Variants in QKI observed in about 807,000 individuals in gnomAD.
The protein encoded by QKI is KH domain-containing RNA-binding protein QKI.
Under a neutral mutation model 39.0 loss-of-function variants are expected in QKI, and 10 were observed. The ratio of observed to expected loss-of-function variants is 0.26; its 90% confidence interval spans 0.16 to 0.43. The LOEUF (loss-of-function observed/expected upper bound fraction) is 0.43, where lower values mean the gene tolerates loss of function less well. Ranked by LOEUF, QKI falls within the 20% of genes least tolerant of loss-of-function variation. The probability of loss-of-function intolerance (pLI) is 1.00; values close to 1 mark genes in which losing one functional copy is unlikely to be tolerated. For synonymous variants in QKI, 204 were observed against 155.4 expected (o/e 1.31, Z -2.33); for missense variants, 218 against 428.0 (o/e 0.51, Z 4.33).
chr6:163,561,852 C>T (rs899792550), intron 4 of QKI, 130 bp from the exon 5 acceptor site: 53 of 595,490 alleles, frequency 8.9e-5, no homozygotes, highest in Non-Finnish European at 1.3e-4. Flanking sequence ...GGTTCTTGAT[C>T]TTTTTTTCCC....
At chr6:163,486,075 A>G (rs1777653331) in intron 3 of QKI, among the ~76,000 whole-genome samples, 1 of 152,196 alleles carries the variant, frequency 6.6e-6, no homozygotes, top group Non-Finnish European at 1.5e-5. Context: ...AGCCACTTTT[A>G]CTATCTGTGC....
intron 7 of QKI, chr6:163,567,829 C>T: frequency 1.5e-5 from 15 of 985,004 alleles, no homozygotes; most frequent in Non-Finnish European, 1.7e-5. Flanking sequence ...TGGATTTGTA[C>T]TTCAATTGTA....
intron 3 of QKI, among the ~76,000 whole-genome samples, chr6:163,521,079 T>C (rs879852341): frequency 5.3e-5 from 8 of 152,138 alleles, no homozygotes; most frequent in East Asian, 1.9e-4. Context: ...GTTAATACTT[T>C]GGAATTTAAG....
At chr6:163,512,451 G>T (rs1490395473) in intron 3 of QKI, among the ~76,000 whole-genome samples, 2 of 152,020 alleles carry the variant, frequency 1.3e-5, no homozygotes, top group Non-Finnish European at 2.9e-5. Flanking sequence ...AGCAAGAAGA[G>T]ATCATGATCC....
intron 1 of QKI, chr6:163,416,180 C>A: frequency 5.9e-6 from 2 of 340,352 alleles, no homozygotes; most frequent in Non-Finnish European, 1.2e-5. Flanking sequence ...GACAGGGTTT[C>A]GAGACGTTTG....
intron 1 of QKI, among the ~76,000 whole-genome samples, chr6:163,447,249 A>AT (rs4038332): frequency 0.071 from 8,548 of 120,080 alleles, 477 homozygotes; most frequent in African/African-American, 0.12. Context: ...GGTGCACGTG[A>AT]TTTTTTTTTT....
chr6:163,437,512 A>G lies in QKI; in HGVS notation c.143-17767A>G, dbSNP rs1789407126. Reference sequence around the variant, plus strand: ...TTAAATCCACACCCGAAATGTAGCCATAATTTAGTTCAAGATTGTTTATGC... The same window carrying G: ...TTAAATCCACACCCGAAATGTAGCCGTAATTTAGTTCAAGATTGTTTATGC... On this transcript the variant is annotated intron_variant, in intron 1 of 7. Transcript: ENST00000361752. 2.0e-5 allele frequency among the ~76,000 whole-genome samples: 3 copies of G among 152,316 alleles called. No homozygotes were observed. The South Asian group carries it at 6.2e-4, about 32-fold the overall frequency.
chr6:163,463,590 G>A (rs528876138), intron 2 of QKI, among the ~76,000 whole-genome samples: 1 of 152,234 alleles, frequency 6.6e-6, no homozygotes, highest in East Asian at 1.9e-4. Flanking sequence ...CCTAAATTAC[G>A]GTGTATCATT....
At chr6:163,426,903 T>C (rs1240363571) in intron 1 of QKI, among the ~76,000 whole-genome samples, 1 of 152,220 alleles carries the variant, frequency 6.6e-6, no homozygotes, top group African/African-American at 2.4e-5. Flanking sequence ...TTCAATGTAC[T>C]TAAGTCAACT....
At position 163,520,687 on chromosome 6, in the gene QKI, C is replaced by T. The variant is rs115851647; in HGVS notation, c.403-14295C>T. Reference sequence around the variant, plus strand: ...TCATTGAAGAATGATTTTTTCAATGCTTTCAAGTTATTAACATATTTGAAT... The same window carrying T: ...TCATTGAAGAATGATTTTTTCAATGTTTTCAAGTTATTAACATATTTGAAT... On this transcript the variant is annotated intron_variant, in intron 3 of 7. Transcript: ENST00000361752. Among the ~76,000 whole-genome samples, 295 of 152,236 alleles carry T rather than the reference C, an allele frequency of 1.9e-3. 1 individual carries two copies. The highest frequency in any genetic ancestry group is 6.6e-3 in the African/African-American group (275 of 41,542).
chr6:163,425,021 GAA>G (rs908730287), intron 1 of QKI, among the ~76,000 whole-genome samples: 23 of 152,262 alleles, frequency 1.5e-4, no homozygotes, highest in South Asian at 2.1e-4. Flanking sequence ...AATGAGAAAA[GAA>G]AAAGAAAGAT....
At chr6:163,418,578 A>G (rs201528689) in intron 1 of QKI, among the ~76,000 whole-genome samples, 1 of 152,226 alleles carries the variant, frequency 6.6e-6, no homozygotes, top group East Asian at 1.9e-4. Flanking sequence ...TTGTGAATAC[A>G]TTTTAGGTTG....
intron 4 of QKI, among the ~76,000 whole-genome samples, chr6:163,560,523 GA>G (rs980760996): frequency 2.0e-5 from 3 of 152,142 alleles, no homozygotes; most frequent in African/African-American, 7.2e-5. Context: ...TGGAAAGAGA[GA>G]GGGGCAGAGA....
At chr6:163,492,908 A>G (rs1778151060) in intron 3 of QKI, among the ~76,000 whole-genome samples, 1 of 152,150 alleles carries the variant, frequency 6.6e-6, no homozygotes, top group Non-Finnish European at 1.5e-5. Context: ...GTGAAAGCAA[A>G]TACTGAACCT....
chr6:163,479,431 G>A (rs1481924607), intron 3 of QKI, among the ~76,000 whole-genome samples: 1 of 152,164 alleles, frequency 6.6e-6, no homozygotes, highest in Non-Finnish European at 1.5e-5. Flanking sequence ...GAGTGCAGTG[G>A]TGCAATCTTG....
chr6:163,489,017 TG>T (rs1777875195), intron 3 of QKI, among the ~76,000 whole-genome samples: 1 of 130,488 alleles, frequency 7.7e-6, no homozygotes, highest in Non-Finnish European at 1.7e-5. Context: ...GTAACAGTTT[TG>T]TGTGTGTATC....
At chr6:163,547,670 A>T (rs1038764608) in intron 4 of QKI, among the ~76,000 whole-genome samples, 1 of 151,898 alleles carries the variant, frequency 6.6e-6, no homozygotes, top group Non-Finnish European at 1.5e-5. Flanking sequence ...GTTGCCTAGG[A>T]CTCATCCACC....
At chr6:163,453,405 A>G (rs1443741305) in intron 1 of QKI, among the ~76,000 whole-genome samples, 2 of 151,084 alleles carry the variant, frequency 1.3e-5, no homozygotes, top group Non-Finnish European at 2.9e-5. Flanking sequence ...AAGATATTTA[A>G]ATAATAATTA....
At chr6:163,476,373 C>G (rs1204070712) in intron 2 of QKI, among the ~76,000 whole-genome samples, 1 of 149,812 alleles carries the variant, frequency 6.7e-6, no homozygotes, top group Non-Finnish European at 1.5e-5. Context: ...TGTCCTGTCT[C>G]TCTCATGATA....
Sources: allele counts gnomAD v4.1 joint callset (sites outside exome capture counted in the v4.1 genomes callset), GRCh38; gene constraint gnomAD v4.1.1; transcripts MANE v1.5; gene names NCBI Gene and HGNC (gene_info 2026-07-23, HGNC 2026-07-21).